The following LZTFL1 variants were observed in gnomAD, a reference collection of about 807,000 sequenced individuals.
The protein encoded by LZTFL1 is leucine zipper transcription factor like 1.
In LZTFL1, 25 loss-of-function variants were observed where a neutral mutation model predicts 45.9. That is an observed-to-expected ratio of 0.54 (90% CI 0.40 to 0.76). The LOEUF is 0.76. Ranked by LOEUF, LZTFL1 falls within the 30% of genes least tolerant of loss-of-function variation. The probability of loss-of-function intolerance (pLI) is 0.00; values close to 1 mark genes in which losing one functional copy is unlikely to be tolerated. For synonymous variants in LZTFL1, 93 were observed against 117.4 expected (o/e 0.79, Z 1.35); for missense variants, 277 against 331.1 (o/e 0.84, Z 1.27).
chr3:45,885,893 T>C (rs1701969498), intron 2 of LZTFL1, among the ~76,000 whole-genome samples: 1 of 152,150 alleles, frequency 6.6e-6, no homozygotes, highest in Non-Finnish European at 1.5e-5. Context: ...TTTTTGTGTG[T>C]TTTGTAGAGA....
At chr3:45,861,741 G>GATATGAAT (rs1701494538) in intron 2 of LZTFL1, among the ~76,000 whole-genome samples, 1 of 152,134 alleles carries the variant, frequency 6.6e-6, no homozygotes, top group South Asian at 2.1e-4. Context: ...GCACATAACT[G>GATATGAAT]ATATGAATTC....
At chr3:45,859,153 T>A (rs887388845) in intron 2 of LZTFL1, 1 of 152,238 alleles carries the variant, frequency 6.6e-6, no homozygotes, top group African/African-American at 2.4e-5. Context: ...AACTAATCTC[T>A]TCCTGTTTTT....
intron 2 of LZTFL1, among the ~76,000 whole-genome samples, chr3:45,895,529 A>T (rs530698556): frequency 2.2e-4 from 34 of 152,334 alleles, no homozygotes; most frequent in African/African-American, 7.0e-4. Context: ...AGCCTGCCCA[A>T]CATGGCAAAA....
chr3:45,895,108 G>T, intron 2 of LZTFL1: 1 of 804,316 alleles, frequency 1.2e-6, no homozygotes, highest in Non-Finnish European at 2.1e-6. Flanking sequence ...TGGGTAGGTT[G>T]TTGTCCAGCA....
intron 2 of LZTFL1, among the ~76,000 whole-genome samples, chr3:45,875,374 G>A (rs1701733514): frequency 6.6e-6 from 1 of 152,198 alleles, no homozygotes; most frequent in African/African-American, 2.4e-5. Flanking sequence ...ATATCAGGAG[G>A]AGTATCTAAT....
At chr3:45,902,405 G>T (rs1244576158) in intron 2 of LZTFL1, 2 of 168,516 alleles carry the variant, frequency 1.2e-5, no homozygotes, top group African/African-American at 4.8e-5. Context: ...ATAGATTCCT[G>T]ATCTAGAACC....
intron 2 of LZTFL1, 61 bp from the exon 3 acceptor site, chr3:45,835,845 A>G (rs1374103656): frequency 3.2e-6 from 4 of 1,231,352 alleles, no homozygotes; most frequent in Admixed American, 4.9e-5. Context: ...TACAAAATAC[A>G]GCAAAATTAA....
intron 2 of LZTFL1, among the ~76,000 whole-genome samples, chr3:45,870,976 T>C (rs1701662284): frequency 6.6e-6 from 1 of 152,254 alleles, no homozygotes; most frequent in Admixed American, 6.5e-5. Flanking sequence ...TTATACAAGT[T>C]GCTTTATTTG....
intron 4 of LZTFL1, among the ~76,000 whole-genome samples, chr3:45,851,615 C>G (rs887948299): frequency 6.6e-6 from 1 of 152,108 alleles, no homozygotes; most frequent in Non-Finnish European, 1.5e-5. Flanking sequence ...AACCTTTGTG[C>G]AATCATTTAA....
intron 2 of LZTFL1, among the ~76,000 whole-genome samples, chr3:45,911,938 C>T (rs1702802224): frequency 6.6e-6 from 1 of 152,218 alleles, no homozygotes; most frequent in African/African-American, 2.4e-5. Context: ...AAAAATACTT[C>T]AAACGACATA....
rs565054826 is a variant in LZTFL1 at position 45,877,232 on chromosome 3, C to CTTT, written c.-214-18219_-214-18217dup. Among the ~76,000 whole-genome samples, 535 of 139,066 alleles carry CTTT rather than the reference C, an allele frequency of 3.8e-3. 4 individuals carry two copies. The highest frequency in any genetic ancestry group is 0.013 in the African/African-American group (494 of 37,864). The allele number at this position is 139,066 out of a possible 152,430, so 91.2% of individuals were successfully genotyped here. A position where few individuals can be genotyped will look rare whatever the true frequency, so the allele number is the denominator to read the frequency against. On this transcript the variant is annotated intron_variant, in intron 2 of 4. Coordinates refer to the LZTFL1 transcript ENST00000472635. ...TGCTTCACCTTTTTCACAAGCATCTCTTTTTTTTTTTTTTTTTGGAGACAG... is the reference window on the plus strand; with the variant it reads ...TGCTTCACCTTTTTCACAAGCATCTCTTTTTTTTTTTTTTTTTTTTGGAGACAG...
At chr3:45,884,623 A>G (rs1208098669) in intron 2 of LZTFL1, among the ~76,000 whole-genome samples, 1 of 151,958 alleles carries the variant, frequency 6.6e-6, no homozygotes, top group Non-Finnish European at 1.5e-5. Flanking sequence ...ACTCACTCCA[A>G]CGTCTAGGGG....
chr3:45,827,265 G>T, intron 9 of LZTFL1, 91 bp downstream of exon 9: 1 of 972,194 alleles, frequency 1.0e-6, no homozygotes. Flanking sequence ...AACTACCACC[G>T]GCTTGACCTC....
chr3:45,867,965 G>C (rs1357541287), intron 2 of LZTFL1, among the ~76,000 whole-genome samples: 4 of 151,386 alleles, frequency 2.6e-5, no homozygotes, highest in East Asian at 2.0e-4. Flanking sequence ...TTCAAGGGCA[G>C]CAATTTTCTT....
In LZTFL1 at chr3:45,832,917, A is replaced by G. The variant is rs75212627; in HGVS notation, c.456+133T>C. Reference sequence around the variant, plus strand: ...GCCCTCTTCTGGCCCATGGGGTACCATCAAGTAAAACTACTGCAATGGACT... The same window carrying G: ...GCCCTCTTCTGGCCCATGGGGTACCGTCAAGTAAAACTACTGCAATGGACT... On this transcript the variant is annotated intron_variant, in intron 5 of 9. Transcript: ENST00000296135. The G allele has an allele frequency of 5.3e-3, 3,464 of 648,520 alleles. 84 individuals are homozygous for G. In the African/African-American group the frequency reaches 0.055, roughly 10 times the overall value. The allele number at this position is 648,520 out of a possible 1,614,324, so 40.2% of individuals were successfully genotyped here.
intron 2 of LZTFL1, among the ~76,000 whole-genome samples, chr3:45,869,454 T>G (rs2191030): frequency 6.6e-6 from 1 of 152,170 alleles, no homozygotes; most frequent in Non-Finnish European, 1.5e-5. Context: ...AAAACACGGT[T>G]AACGTTTCAA....
chr3:45,834,229 A>C lies in LZTFL1; in HGVS notation c.384+9T>G. The C allele has an allele frequency of 6.4e-7, 1 of 1,569,424 alleles. No individual in the cohort carries two copies. Among genetic ancestry groups the C allele is most frequent in the South Asian group, 1.1e-5 (1 of 88,758 alleles). ...TTAAGATATGGATTTAGAATGACCAAAAAGTTACCTTTTTGTTTGAAGATG... is the reference window on the plus strand; with the variant it reads ...TTAAGATATGGATTTAGAATGACCACAAAGTTACCTTTTTGTTTGAAGATG... On this transcript the variant is annotated intron_variant, in intron 4 of 9. Transcript: ENST00000296135.
chr3:45,826,491 G>A (rs1700668247), intron 9 of LZTFL1, among the ~76,000 whole-genome samples, 159 bp from the exon 10 acceptor site: 1 of 152,164 alleles, frequency 6.6e-6, no homozygotes, highest in South Asian at 2.1e-4. Context: ...GACTCAGAGG[G>A]GATTTTTACA....
intron 1 of LZTFL1, among the ~76,000 whole-genome samples, chr3:45,914,954 C>T (rs969188560): frequency 3.9e-5 from 6 of 152,174 alleles, no homozygotes; most frequent in Non-Finnish European, 8.8e-5. Context: ...TCACAAGCGT[C>T]GTGGGAGGAC....
Sources: gnomAD v4.1 joint callset for allele counts (sites outside exome capture counted in the v4.1 genomes callset) on GRCh38, gnomAD v4.1.1 for gene constraint, MANE v1.5 for transcripts, NCBI Gene and HGNC (gene_info 2026-07-23, HGNC 2026-07-21) for gene names.